CYP19A1: variants seen among roughly 807,000 people sequenced by gnomAD.
CYP19A1 encodes cytochrome P450 family 19 subfamily A member 1.
A neutral mutation model predicts 44.4 loss-of-function variants in CYP19A1; 32 were observed. The observed-to-expected ratio is 0.72, with a 90% CI of 0.54 to 0.97. The LOEUF is 0.97. CYP19A1 is among the 50% of genes least tolerant of loss of function. The probability of loss-of-function intolerance (pLI) is 0.00; values close to 1 mark genes in which losing one functional copy is unlikely to be tolerated. For missense variants in CYP19A1, 598 were observed against 637.8 expected (o/e 0.94, Z 0.67); for synonymous variants, 212 against 215.6 (o/e 0.98, Z 0.14).
At chr15:51,236,777 A>G (rs2033417676) in intron 3 of CYP19A1, 82 bp downstream of exon 3, 6 of 1,516,496 alleles carry the variant, frequency 4.0e-6, no homozygotes, top group Non-Finnish European at 5.5e-6. Context: ...AAAGACATCA[A>G]GATTCAAAAT....
At chr15:51,280,390 G>T (rs181057331) in intron 1 of CYP19A1, among the ~76,000 whole-genome samples, 1 of 150,576 alleles carries the variant, frequency 6.6e-6, no homozygotes, top group African/African-American at 2.4e-5. Context: ...GAGCCACCAC[G>T]CCCAGCCAAA....
intron 1 of CYP19A1, among the ~76,000 whole-genome samples, chr15:51,247,576 G>A (rs1475545796): frequency 4.6e-5 from 7 of 152,006 alleles, no homozygotes; most frequent in Admixed American, 1.3e-4. Flanking sequence ...AGGTTCCAGC[G>A]ATTCTCTTGC....
chr15:51,309,174 G>C (rs1037497842), intron 1 of CYP19A1, among the ~76,000 whole-genome samples: 2 of 152,174 alleles, frequency 1.3e-5, no homozygotes, highest in African/African-American at 4.8e-5. Context: ...ACATGAATTG[G>C]ATTGGTGCCT....
In CYP19A1 at chr15:51,300,912, T is replaced by A. The variant is rs527606285; in HGVS notation, c.-39+37583A>T. Among the ~76,000 whole-genome samples, 22 of 152,054 alleles carry A rather than the reference T, an allele frequency of 1.4e-4. 2 individuals are homozygous for A. In the South Asian group the frequency reaches 4.2e-3, roughly 29 times the overall value. On this transcript the variant is annotated intron_variant, in intron 1 of 9. Coordinates refer to ENST00000396402, the MANE Select transcript of CYP19A1 (RefSeq NM_000103.4). ...AACTGAATTTGGACACCAATATTAT[T>A]GAAGGCCAGCAAAATGTTTTAGGAG...
intron 1 of CYP19A1, among the ~76,000 whole-genome samples, chr15:51,305,231 C>T (rs142185052): frequency 5.9e-5 from 9 of 152,208 alleles, no homozygotes; most frequent in African/African-American, 2.2e-4. Flanking sequence ...GGATGTCACT[C>T]ATGAGCATCA....
intron 1 of CYP19A1, among the ~76,000 whole-genome samples, chr15:51,245,584 A>G (rs2034016721): frequency 6.6e-6 from 1 of 152,226 alleles, no homozygotes; most frequent in African/African-American, 2.4e-5. Flanking sequence ...GTGAACAGGC[A>G]ACCTACAAAA....
At chr15:51,298,586 A>G (rs114496958) in intron 1 of CYP19A1, among the ~76,000 whole-genome samples, 2 of 152,120 alleles carry the variant, frequency 1.3e-5, no homozygotes, top group Non-Finnish European at 2.9e-5. Flanking sequence ...GTTTCTAAGG[A>G]CTCTTCTAGC....
chr15:51,325,472 C>T (rs568446036), intron 1 of CYP19A1, among the ~76,000 whole-genome samples: 4 of 152,288 alleles, frequency 2.6e-5, no homozygotes, highest in Middle Eastern at 3.4e-3. Context: ...ACTTATCCAA[C>T]AAGTACAGAT....
intron 6 of CYP19A1, among the ~76,000 whole-genome samples, chr15:51,216,813 T>C (rs2031624807): frequency 6.6e-6 from 1 of 152,214 alleles, no homozygotes; most frequent in Non-Finnish European, 1.5e-5. Flanking sequence ...TCTTTCTATG[T>C]AAGATACTTT....
chr15:51,218,392 AG>A, intron 6 of CYP19A1, 148 bp downstream of exon 6: 1 of 1,241,224 alleles, frequency 8.1e-7, no homozygotes, highest in African/African-American at 1.5e-5. Context: ...TGCTGTAAAA[AG>A]TGTTTCATCA....
chr15:51,336,380 G>A (rs1008134148), intron 1 of CYP19A1, among the ~76,000 whole-genome samples: 2 of 152,190 alleles, frequency 1.3e-5, no homozygotes, highest in Admixed American at 1.3e-4. Flanking sequence ...GAGAATTGCT[G>A]ACTTTGGTTG....
chr15:51,210,085 C>A lies in CYP19A1; in HGVS notation c.*723G>T. The A allele has an allele frequency of 3.9e-6, 1 of 258,612 alleles. No individual in the cohort carries two copies. The highest frequency in any genetic ancestry group is 7.6e-6 in the Non-Finnish European group (1 of 131,406). 16.0% of individuals were successfully genotyped at this position (258,612 alleles called of 1,614,324 possible). A position where few individuals can be genotyped will look rare whatever the true frequency, so the allele number is the denominator to read the frequency against. ...GCTATTACTAAATTAGTTTGTATTA[C>A]TTGATGATTATATATAGTTTGTATT... is the stretch of plus-strand genomic sequence containing the variant. On this transcript the variant is annotated 3_prime_UTR_variant, in exon 10 of 10. Coordinates refer to ENST00000396402, the MANE Select transcript of CYP19A1 (RefSeq NM_000103.4).
intron 1 of CYP19A1, among the ~76,000 whole-genome samples, chr15:51,304,854 A>G (rs1241056049): frequency 1.4e-5 from 2 of 139,026 alleles, no homozygotes; most frequent in Admixed American, 1.4e-4. Flanking sequence ...TAAATAGAAC[A>G]TTTGCCATTC....
At position 51,210,204 on chromosome 15, in the gene CYP19A1, T is replaced by A. The variant is rs983602632; in HGVS notation, c.*604A>T. The stretch of plus-strand genomic sequence containing the variant: ...GGGAAAGAATTTCCTCTGATTAAAC[T>A]TTTGCCACAGACAGATCATATGTAG... On this transcript the variant is annotated 3_prime_UTR_variant, in exon 10 of 10. Transcript: ENST00000396402. 5.5e-6 allele frequency: 2 copies of A among 366,644 alleles called. No individual in the cohort carries two copies. The highest frequency in any genetic ancestry group is 4.3e-5 in the African/African-American group (2 of 47,018). 22.7% of individuals were successfully genotyped at this position (366,644 alleles called of 1,614,324 possible).
chr15:51,248,829 G>A (rs950411904), intron 1 of CYP19A1, among the ~76,000 whole-genome samples: 8 of 151,884 alleles, frequency 5.3e-5, no homozygotes, highest in Admixed American at 5.2e-4. Context: ...ACTCTGTTCT[G>A]CACATTGCTG....
At chr15:51,274,242 G>T (rs1215301403) in intron 1 of CYP19A1, among the ~76,000 whole-genome samples, 1 of 152,140 alleles carries the variant, frequency 6.6e-6, no homozygotes, top group East Asian at 1.9e-4. Flanking sequence ...GGGAAGTAGA[G>T]GCATGAAGAT....
At chr15:51,212,738 G>C (rs2031152660) in intron 8 of CYP19A1, among the ~76,000 whole-genome samples, 177 bp from the exon 9 acceptor site, 1 of 152,142 alleles carries the variant, frequency 6.6e-6, no homozygotes, top group African/African-American at 2.4e-5. Context: ...GCCACAGAGT[G>C]TTTTATAAAA....
At chr15:51,222,210 A>G (rs918373652) in intron 5 of CYP19A1, 139 bp downstream of exon 5, 17 of 1,485,462 alleles carry the variant, frequency 1.1e-5, no homozygotes, top group Non-Finnish European at 1.5e-5. Context: ...CACTAGGGAA[A>G]AAAACGAGGA....
intron 1 of CYP19A1, among the ~76,000 whole-genome samples, chr15:51,281,377 C>T (rs1282690490): frequency 6.6e-6 from 1 of 152,190 alleles, no homozygotes; most frequent in Non-Finnish European, 1.5e-5. Context: ...AGTAGAAGCT[C>T]AGCCAGTACT....
Sources: gnomAD v4.1 joint callset for allele counts (sites outside exome capture counted in the v4.1 genomes callset) on GRCh38, gnomAD v4.1.1 for gene constraint, MANE v1.5 for transcripts, NCBI Gene and HGNC (gene_info 2026-07-23, HGNC 2026-07-21) for gene names.